PTCH2: variants seen among roughly 807,000 people sequenced by gnomAD.
PTCH2 encodes the protein patched 2, also known as protein patched homolog 2.
A neutral mutation model predicts 117.9 loss-of-function variants in PTCH2; 96 were observed. The ratio of observed to expected loss-of-function variants is 0.81; its 90% CI spans 0.69 to 0.96. The LOEUF (loss-of-function observed/expected upper bound fraction) is 0.96, where lower values mean the gene tolerates loss of function less well. Ranked by LOEUF, PTCH2 falls within the 50% of genes least tolerant of loss-of-function variation. The pLI is 0.00. For missense variants in PTCH2, 1,379 were observed against 1,562.5 expected (o/e 0.88, Z 1.98); for synonymous variants, 615 against 660.9 (o/e 0.93, Z 1.06).
chr1:44,842,082 A>C, intron 1 of PTCH2, 43 bp from the exon 2 acceptor site: 1 of 1,527,652 alleles, frequency 6.5e-7, no homozygotes, highest in Non-Finnish European at 9.1e-7. Context: ...CACTGCAACA[A>C]TGCATGAAAT....
chr1:44,843,153 T>C lies in PTCH2; in HGVS notation c.-221A>G. 1 of 1,284,512 alleles carries C rather than the reference T, an allele frequency of 7.8e-7. No homozygotes were observed. Among genetic ancestry groups the C allele is most frequent in the South Asian group, 2.4e-5 (1 of 41,994 alleles). 79.6% of individuals were successfully genotyped at this position (1,284,512 alleles called of 1,614,324 possible). ...GGGCGCGGCGCCGGGATTCACCCGCTCCGTGGGCCGTGGGCCGCGGCGGCT... is the reference window on the plus strand; with the variant it reads ...GGGCGCGGCGCCGGGATTCACCCGCCCCGTGGGCCGTGGGCCGCGGCGGCT... On this transcript the variant is annotated 5_prime_UTR_variant, in exon 1 of 22. Transcript: ENST00000372192.
chr1:44,837,979 G>T (rs1330867965), intron 2 of PTCH2, among the ~76,000 whole-genome samples: 7 of 151,878 alleles, frequency 4.6e-5, no homozygotes, highest in Non-Finnish European at 1.0e-4. Flanking sequence ...CTACTCAGAA[G>T]GCTGAGGCAG....
chr1:44,842,692 C>G (rs555043466), intron 1 of PTCH2, among the ~76,000 whole-genome samples, 169 bp downstream of exon 1: 3 of 152,338 alleles, frequency 2.0e-5, no homozygotes, highest in African/African-American at 4.8e-5. Context: ...GAGGAGACAC[C>G]GGCACAGACA....
In PTCH2 at chr1:44,831,705, C is replaced by G. The variant is rs1021449669; in HGVS notation, c.617+1G>C. 6.4e-7 allele frequency: 1 copy of G among 1,556,146 alleles called. No homozygotes were observed. Among genetic ancestry groups the G allele is most frequent in the South Asian group, 1.2e-5 (1 of 84,718 alleles). ...AGCAGGGCCCCAGGAGTGGCACTCA[C>G]GGCAGGTAGGCGGAGCCCCCTTGGA... is the stretch of plus-strand genomic sequence containing the variant. On this transcript the variant is annotated splice_donor_variant, in intron 5 of 21. Coordinates refer to ENST00000372192, the MANE Select transcript of PTCH2 (RefSeq NM_003738.5). LOFTEE classifies it high-confidence loss of function. The surrounding 1 kb of genome is among the most constrained non-coding windows in gnomAD (Gnocchi z 4.3).
chr1:44,838,734 T>C (rs12729917), intron 2 of PTCH2, among the ~76,000 whole-genome samples: 31,118 of 151,290 alleles, frequency 0.21, 3,405 homozygotes, highest in East Asian at 0.28. Flanking sequence ...CTTTTCTTTT[T>C]TTTTTTTTTT....
rs1390868902 is a variant in PTCH2 at position 44,823,915 on chromosome 1, G to A, written c.3115-530C>T. On this transcript the variant is annotated intron_variant, in intron 19 of 21. Coordinates refer to ENST00000372192, the MANE Select transcript of PTCH2 (RefSeq NM_003738.5). The surrounding 1 kb of genome is among the most constrained non-coding windows in gnomAD (Gnocchi z 5.1). Reference sequence around the variant, plus strand: ...ATTGCACTGCTACACTCCAGCCTGGGCGACAGAGTGAGACCCTGTTTCAAA... The same window carrying A: ...ATTGCACTGCTACACTCCAGCCTGGACGACAGAGTGAGACCCTGTTTCAAA... Among the ~76,000 whole-genome samples, 5 of 151,388 alleles carry A rather than the reference G, an allele frequency of 3.3e-5. No individual in the cohort carries two copies. Among genetic ancestry groups the A allele is most frequent in the Non-Finnish European group, 7.4e-5 (5 of 67,984 alleles).
In PTCH2 at chr1:44,836,232, G is replaced by A. The variant is rs189630605; in HGVS notation, c.266-3891C>T. ...TTGCCTTTGCCAAGTGAAGGATTTCGGCATAGGATGCTACATAGTTCTTGC... is the reference window on the plus strand; with the variant it reads ...TTGCCTTTGCCAAGTGAAGGATTTCAGCATAGGATGCTACATAGTTCTTGC... On this transcript the variant is annotated intron_variant, in intron 2 of 21. Transcript: ENST00000372192. 2.3e-3 allele frequency among the ~76,000 whole-genome samples: 352 copies of A among 152,302 alleles called. 5 individuals are homozygous for A. The highest frequency in any genetic ancestry group is 8.1e-3 in the African/African-American group (337 of 41,552).
chr1:44,821,215 C>G (rs944059527), downstream of PTCH2, among the ~76,000 whole-genome samples: 1 of 152,104 alleles, frequency 6.6e-6, no homozygotes, highest in Non-Finnish European at 1.5e-5. Flanking sequence ...AGGTGAGGCT[C>G]TGTGCTCTAT....
rs1452021020 is a variant in PTCH2, at chr1:44,827,015, G to C, written c.2582C>G (p.Thr861Ser). 1.2e-6 allele frequency: 2 copies of C among 1,613,982 alleles called. No homozygotes were observed. The highest frequency in any genetic ancestry group is 2.7e-5 in the African/African-American group (2 of 74,936). The change falls in exon 17 of 22, where the codon ACC becomes AGC. Residue 861 changes from threonine to serine, a missense_variant. By Grantham distance (58) the Thr-to-Ser change is moderately conservative. Coordinates refer to ENST00000372192, the MANE Select transcript of PTCH2 (RefSeq NM_003738.5). The part of the protein sequence containing the change: ...IPPELFYMGL[T>S]VWVSSDPLGL... ...CAGGGGGTCACTGCTCACCCACACG[G>C]TCAGCCCCATGTAGAAGAGCTCGGG... is the stretch of plus-strand genomic sequence containing the variant.
intron 2 of PTCH2, 31 bp downstream of exon 2, chr1:44,841,816 T>C (rs1306985754): frequency 2.5e-6 from 4 of 1,611,070 alleles, no homozygotes; most frequent in Non-Finnish European, 3.4e-6. Context: ...TCACCATACC[T>C]GAGCAGCTAT....
chr1:44,828,200 G>A lies in PTCH2; in HGVS notation c.1710-9C>T, dbSNP rs1179938265. The A allele has an allele frequency of 1.9e-6, 3 of 1,613,302 alleles. No homozygotes were observed. The highest frequency in any genetic ancestry group is 2.5e-6 in the Non-Finnish European group (3 of 1,179,824). On this transcript the variant is annotated splice_polypyrimidine_tract_variant and intron_variant, in intron 13 of 21. Coordinates refer to ENST00000372192, the MANE Select transcript of PTCH2 (RefSeq NM_003738.5). ...CCTGAGCAGAGCAGGGACTGGAAGA[G>A]GTAGAGAGTGGATGACAGGTCTGTG...
intron 9 of PTCH2, 30 bp downstream of exon 9, chr1:44,829,372 T>G (rs1352553639): frequency 6.2e-7 from 1 of 1,613,626 alleles, no homozygotes; most frequent in South Asian, 1.1e-5. Flanking sequence ...GGAGGTGGGG[T>G]GGGGGCAAGG....
At chr1:44,834,020 C>A (rs1402246561) in intron 2 of PTCH2, among the ~76,000 whole-genome samples, 1 of 152,124 alleles carries the variant, frequency 6.6e-6, no homozygotes, top group African/African-American at 2.4e-5. Context: ...CATACTTACC[C>A]ATATGCTCAC....
At position 44,826,798 on chromosome 1, in the gene PTCH2, G is replaced by A; in HGVS notation, c.2696-30C>T. On this transcript the variant is annotated intron_variant, in intron 17 of 21. Transcript: ENST00000372192. This position sits in a 1 kb window ranked among gnomAD's most constrained non-coding sequence, Gnocchi z 5.1. The stretch of plus-strand genomic sequence containing the variant: ...GGAGGGGAGGGGAAGGGAGAAGAGG[G>A]AGAGGGACAGGGCGGTGAGCACGGG... 2 of 1,604,206 alleles carry A rather than the reference G, an allele frequency of 1.2e-6. No homozygotes were observed. The highest frequency in any genetic ancestry group is 1.7e-6 in the Non-Finnish European group (2 of 1,173,342).
In PTCH2 at chr1:44,841,975, G is replaced by A. The variant is rs1653965994; in HGVS notation, c.137C>T (p.Ser46Phe). The A allele has an allele frequency of 6.2e-7, 1 of 1,614,112 alleles. No homozygotes were observed. Among genetic ancestry groups the A allele is most frequent in the South Asian group, 1.1e-5 (1 of 91,092 alleles). Residue 46 changes from serine to phenylalanine, a missense_variant, in exon 2 of 22, where the codon TCT (serine) becomes TTT (phenylalanine). Physicochemically the swap from Ser to Phe is radical, Grantham distance 155. Transcript: ENST00000372192. ...LRAYFQGLLF[S>F]LGCGIQRHCG... ...ATGTCTCTGGATCCCGCATCCCAGAGAGAAGAGCAGGCCCTGGAAGTAAGC... is the reference window on the plus strand; with the variant it reads ...ATGTCTCTGGATCCCGCATCCCAGAAAGAAGAGCAGGCCCTGGAAGTAAGC...
chr1:44,838,492 C>T (rs992181784), intron 2 of PTCH2, among the ~76,000 whole-genome samples: 2 of 152,206 alleles, frequency 1.3e-5, no homozygotes, highest in Non-Finnish European at 2.9e-5. Context: ...CCACCCGCTT[C>T]GGCCTCCCAA....
In PTCH2 at chr1:44,829,412, T is replaced by G. The variant is rs2148877578; in HGVS notation, c.1205A>C (p.Tyr402Ser). 3.1e-6 allele frequency: 5 copies of G among 1,614,118 alleles called. No individual in the cohort carries two copies. Among genetic ancestry groups the G allele is most frequent in the Non-Finnish European group, 1.7e-6 (2 of 1,179,992 alleles). ...EVSAARVVGG[Y>S]LLMLAYACVT... Reference sequence around the variant, plus strand: ...AGGTGCAAGACCCACCATGAGCAGATAGCCTCCCACCACACGGGCAGCACT... The same window carrying G: ...AGGTGCAAGACCCACCATGAGCAGAGAGCCTCCCACCACACGGGCAGCACT... The change falls in exon 9 of 22, where the codon TAT becomes TCT. Residue 402 changes from tyrosine to serine, a missense_variant. Coordinates refer to ENST00000372192, the MANE Select transcript of PTCH2 (RefSeq NM_003738.5).
rs966573944 is a variant in PTCH2, at chr1:44,842,959, C to T, written c.-27G>A. On this transcript the variant is annotated 5_prime_UTR_variant, in exon 1 of 22. Transcript: ENST00000372192. Reference sequence around the variant, plus strand: ...CTGGCGGGGATGGGGGGCGCGGGCGCCCCCAACCCGCGTTATCTGGGCGCT... The same window carrying T: ...CTGGCGGGGATGGGGGGCGCGGGCGTCCCCAACCCGCGTTATCTGGGCGCT... 2.6e-6 allele frequency: 4 copies of T among 1,520,768 alleles called. No homozygotes were observed. Among genetic ancestry groups the T allele is most frequent in the Non-Finnish European group, 3.5e-6 (4 of 1,135,870 alleles). The allele number at this position is 1,520,768 out of a possible 1,614,324, so 94.2% of individuals were successfully genotyped here. A position where few individuals can be genotyped will look rare whatever the true frequency, so the allele number is the denominator to read the frequency against.
intron 19 of PTCH2, among the ~76,000 whole-genome samples, chr1:44,824,670 TA>T (rs1381621071): frequency 6.6e-6 from 1 of 151,880 alleles, no homozygotes; most frequent in Non-Finnish European, 1.5e-5. Flanking sequence ...GCTAATTATT[TA>T]AAAAAAATTT....
Sources: gnomAD v4.1 joint callset for allele counts (sites outside exome capture counted in the v4.1 genomes callset) on GRCh38, gnomAD v4.1.1 for gene constraint, Gnocchi (gnomAD v3.1) non-coding constraint, MANE v1.5 for transcripts, NCBI Gene and HGNC (gene_info 2026-07-23, HGNC 2026-07-21) for gene names.